GRID2: variants seen among roughly 807,000 people sequenced by gnomAD.
GRID2 encodes glutamate ionotropic receptor delta type subunit 2, also known as glutamate receptor ionotropic, delta-2.
GRID2 carries 33 observed loss-of-function variants against 114.8 expected under a neutral mutation model. The ratio of observed to expected loss-of-function variants is 0.29; its 90% CI spans 0.22 to 0.38. The LOEUF (loss-of-function observed/expected upper bound fraction) is 0.38, where lower values mean the gene tolerates loss of function less well. Among genes scored for constraint, GRID2 ranks in the 10% least tolerant of loss-of-function variants. The probability of loss-of-function intolerance (pLI) is 1.00; values close to 1 mark genes in which losing one functional copy is unlikely to be tolerated. For missense variants in GRID2, 1,184 were observed against 1,257.7 expected (o/e 0.94, Z 0.89); for synonymous variants, 505 against 449.9 (o/e 1.12, Z -1.55).
At chr4:92,681,579 T>C (rs940362903) in intron 2 of GRID2, among the ~76,000 whole-genome samples, 4 of 152,004 alleles carry the variant, frequency 2.6e-5, no homozygotes, top group African/African-American at 9.7e-5. Context: ...TTAAGAGATA[T>C]ACCTAATGTT....
intron 1 of GRID2, among the ~76,000 whole-genome samples, chr4:92,501,317 G>C (rs1723673840): frequency 6.6e-6 from 1 of 152,156 alleles, no homozygotes; most frequent in Admixed American, 6.6e-5. Context: ...CATTTTACCA[G>C]CAATTCAATT....
intron 8 of GRID2, among the ~76,000 whole-genome samples, chr4:93,309,987 G>T (rs1755843859): frequency 6.6e-6 from 1 of 151,966 alleles, no homozygotes; most frequent in Admixed American, 6.6e-5. Flanking sequence ...CCTTGTGTAG[G>T]TGGGGTGGGA....
exon 2 of GRID2, chr4:93,807,285 C>G (rs537272929): frequency 3.3e-5 from 5 of 152,314 alleles, no homozygotes; most frequent in African/African-American, 1.2e-4. Context: ...AGCCAGAGAT[C>G]TAGGGAGACA....
chr4:93,804,919 T>C (rs112722024), intron 1 of GRID2, among the ~76,000 whole-genome samples: 3,220 of 152,340 alleles, frequency 0.021, 50 homozygotes, highest in South Asian at 0.035. Context: ...GTGGAATCTT[T>C]AGGTGGTTGA....
chr4:93,726,580 T>C (rs1435128040), intron 14 of GRID2, among the ~76,000 whole-genome samples: 1 of 152,200 alleles, frequency 6.6e-6, no homozygotes, highest in Admixed American at 6.5e-5. Context: ...TTGGGCAGTA[T>C]GGCCATTTTC....
chr4:92,940,241 T>C (rs1248836228), intron 2 of GRID2, among the ~76,000 whole-genome samples: 3 of 147,154 alleles, frequency 2.0e-5, no homozygotes. Context: ...TTTTATTTCA[T>C]TGAGCAGTGA....
At chr4:92,624,709 G>A (rs990316987) in intron 2 of GRID2, among the ~76,000 whole-genome samples, 1 of 151,458 alleles carries the variant, frequency 6.6e-6, no homozygotes, top group Non-Finnish European at 1.5e-5. Flanking sequence ...GGAAAAAAAA[G>A]GTTAAAATAT....
chr4:92,995,203 G>T (rs13142489), intron 2 of GRID2, among the ~76,000 whole-genome samples: 9,058 of 152,130 alleles, frequency 0.06, 383 homozygotes, highest in Non-Finnish European at 0.093. Context: ...ATCAGTAGAG[G>T]TGAGATTATT....
At chr4:93,716,236 A>G (rs1728889474) in intron 14 of GRID2, among the ~76,000 whole-genome samples, 1 of 152,158 alleles carries the variant, frequency 6.6e-6, no homozygotes, top group Admixed American at 6.6e-5. Context: ...GCACATACAC[A>G]CATGAATTAA....
At chr4:93,441,099 C>T (rs1721580751) in intron 10 of GRID2, among the ~76,000 whole-genome samples, 1 of 152,074 alleles carries the variant, frequency 6.6e-6, no homozygotes, top group Non-Finnish European at 1.5e-5. Flanking sequence ...AATCTGACAA[C>T]TTAAGGATAG....
intron 4 of GRID2, among the ~76,000 whole-genome samples, chr4:93,148,106 C>G (rs999543305): frequency 2.0e-5 from 3 of 152,104 alleles, no homozygotes; most frequent in Non-Finnish European, 4.4e-5. Context: ...GGATAGAAGC[C>G]ATGATGTGTG....
At chr4:93,001,384 G>A (rs1268099586) in intron 2 of GRID2, among the ~76,000 whole-genome samples, 1 of 151,576 alleles carries the variant, frequency 6.6e-6, no homozygotes, top group African/African-American at 2.4e-5. Context: ...GAGGAACCAA[G>A]TGTCACAGTT....
chr4:92,720,021 T>A (rs1396106032), intron 2 of GRID2, among the ~76,000 whole-genome samples: 1 of 152,076 alleles, frequency 6.6e-6, no homozygotes, highest in Non-Finnish European at 1.5e-5. Flanking sequence ...ATGAATTAAG[T>A]GATAACATAA....
intron 1 of GRID2, among the ~76,000 whole-genome samples, chr4:92,517,190 C>T (rs1382445072): frequency 6.6e-6 from 1 of 151,832 alleles, no homozygotes; most frequent in Non-Finnish European, 1.5e-5. Context: ...ATAATAAGAT[C>T]GTTCAGCAAG....
intron 2 of GRID2, among the ~76,000 whole-genome samples, chr4:92,728,405 C>A (rs1255146366): frequency 2.6e-5 from 4 of 152,068 alleles, no homozygotes; most frequent in African/African-American, 9.7e-5. Context: ...GAAGGTTTCA[C>A]AGGGCATGTG....
intron 8 of GRID2, among the ~76,000 whole-genome samples, chr4:93,372,470 T>C (rs1423939907): frequency 3.9e-5 from 6 of 152,158 alleles, no homozygotes; most frequent in African/African-American, 1.4e-4. Context: ...TTCCAAGATA[T>C]TGTGTCCTGC....
At chr4:92,527,892 T>A (rs1725122440) in intron 1 of GRID2, among the ~76,000 whole-genome samples, 1 of 152,074 alleles carries the variant, frequency 6.6e-6, no homozygotes, top group Admixed American at 6.6e-5. Flanking sequence ...ACAACATAGT[T>A]ATTGATCACA....
chr4:93,499,360 T>C (rs761738166), intron 12 of GRID2, among the ~76,000 whole-genome samples: 50 of 151,934 alleles, frequency 3.3e-4, no homozygotes, highest in Non-Finnish European at 6.9e-4. Context: ...ATCCTCAAAA[T>C]TGGCTTGAAA....
In GRID2 at chr4:92,731,328, A is replaced by G. The variant is rs78827125; in HGVS notation, c.244+141042A>G. Among the ~76,000 whole-genome samples, 1,112 of 151,910 alleles carry G rather than the reference A, an allele frequency of 7.3e-3. 16 individuals carry two copies. The highest frequency in any genetic ancestry group is 0.025 in the African/African-American group (1,054 of 41,504). On this transcript the variant is annotated intron_variant, in intron 2 of 15. Transcript: ENST00000282020. ...GGGTAATTGCCATATGGCAAAAACC[A>G]TGATTACTTTTGTACCAAGGCAACC...
Sources: allele counts gnomAD v4.1 joint callset (sites outside exome capture counted in the v4.1 genomes callset), GRCh38; gene constraint gnomAD v4.1.1; transcripts MANE v1.5; gene names NCBI Gene and HGNC (gene_info 2026-07-23, HGNC 2026-07-21).